Variants in NDUFAF6 observed in about 807,000 individuals in gnomAD.
The protein encoded by NDUFAF6 is NADH dehydrogenase (ubiquinone) complex I, assembly factor 6.
In NDUFAF6, 45 loss-of-function variants were observed where a neutral mutation model predicts 40.8. The ratio of observed to expected loss-of-function variants is 1.10; its 90% CI spans 0.87 to 1.42. NDUFAF6 has a LOEUF of 1.42. Ranked by LOEUF, NDUFAF6 falls within the 40% of genes most tolerant of loss-of-function variation. The pLI is 0.00. For synonymous variants in NDUFAF6, 185 were observed against 155.9 expected (o/e 1.19, Z -1.39); for missense variants, 435 against 418.5 (o/e 1.04, Z -0.34).
rs1391240064 is a variant in NDUFAF6 at position 95,094,746 on chromosome 8, TTCTTC to T, written n.214-6384_214-6380del. 4.4e-4 allele frequency among the ~76,000 whole-genome samples: 33 copies of T among 75,186 alleles called. No homozygotes were observed. The South Asian group carries it at 0.016, about 36-fold the overall frequency. The allele number at this position is 75,186 out of a possible 152,430, so 49.3% of individuals were successfully genotyped here. On this transcript the variant is annotated intron_variant and non_coding_transcript_variant, in intron 2 of 5. Transcript: ENST00000523184. ...TTTCTTTTTTCTTTCCTTCTTCTTC[TTCTTC>T]TTTTTTTTTTTTTTTTTAAGAAATA...
chr8:94,907,254 C>T (rs1818453005), intron 1 of NDUFAF6, among the ~76,000 whole-genome samples: 1 of 152,216 alleles, frequency 6.6e-6, no homozygotes, highest in African/African-American at 2.4e-5. Flanking sequence ...TTGCATTTCT[C>T]TTAAGTTTTC....
intron 1 of NDUFAF6, among the ~76,000 whole-genome samples, chr8:94,925,030 A>G (rs1819773444): frequency 6.6e-6 from 1 of 152,252 alleles, no homozygotes; most frequent in South Asian, 2.1e-4. Flanking sequence ...GGCACGAGCC[A>G]TCATGCCCAG....
intron 4 of NDUFAF6, among the ~76,000 whole-genome samples, chr8:95,044,142 A>G (rs1180158306): frequency 1.3e-5 from 2 of 152,224 alleles, no homozygotes; most frequent in Non-Finnish European, 2.9e-5. Flanking sequence ...TACATATTAT[A>G]CGATTCCATT....
intron 1 of NDUFAF6, among the ~76,000 whole-genome samples, chr8:94,901,378 C>T (rs892283290): frequency 3.3e-5 from 5 of 151,826 alleles, no homozygotes; most frequent in African/African-American, 1.2e-4. Context: ...TGGGAGCAGG[C>T]TGGGTGGTGG....
In NDUFAF6 at chr8:95,015,222, G is replaced by A. The variant is rs1827392221; in HGVS notation, c.-83-16773G>A. 2.6e-5 allele frequency among the ~76,000 whole-genome samples: 4 copies of A among 152,174 alleles called. No homozygotes were observed. The South Asian group carries it at 8.3e-4, about 31-fold the overall frequency. ...CCTGGAGTTGTGCAGTGTACAACCT[G>A]AGAGGCCATACAGAGTGGTTCTTGG... On this transcript the variant is annotated intron_variant, in intron 2 of 9. Transcript: ENST00000396111.
At chr8:95,075,438 T>C (rs1832998215) in intron 9 of NDUFAF6, among the ~76,000 whole-genome samples, 1 of 152,188 alleles carries the variant, frequency 6.6e-6, no homozygotes, top group South Asian at 2.1e-4. Context: ...TCAAAATGCT[T>C]GGAATGAAAA....
intron 2 of NDUFAF6, among the ~76,000 whole-genome samples, chr8:94,994,082 TACTC>T (rs747668754): frequency 3.9e-5 from 6 of 152,100 alleles, no homozygotes; most frequent in Non-Finnish European, 8.8e-5. Context: ...TCTATTCAAA[TACTC>T]ACTCTCTCCC....
intron 1 of NDUFAF6, among the ~76,000 whole-genome samples, chr8:94,979,152 C>G (rs1825205686): frequency 6.6e-6 from 1 of 152,176 alleles, no homozygotes; most frequent in Non-Finnish European, 1.5e-5. Context: ...CACTACTTTT[C>G]AGATCCTCAT....
intron 4 of NDUFAF6, among the ~76,000 whole-genome samples, chr8:95,109,650 T>C (rs978116281): frequency 3.3e-5 from 5 of 152,156 alleles, no homozygotes; most frequent in Non-Finnish European, 5.9e-5. Context: ...TGTCTGTCCA[T>C]TTGTCTTCTC....
At chr8:95,014,145 C>T (rs765456209) in intron 2 of NDUFAF6, among the ~76,000 whole-genome samples, 26 of 152,206 alleles carry the variant, frequency 1.7e-4, no homozygotes, top group Non-Finnish European at 3.2e-4. Flanking sequence ...AACTGTGAGA[C>T]AACAATTTTC....
chr8:95,008,901 A>G (rs1827114192), intron 2 of NDUFAF6, among the ~76,000 whole-genome samples: 1 of 152,232 alleles, frequency 6.6e-6, no homozygotes, highest in South Asian at 2.1e-4. Flanking sequence ...TACATTTACA[A>G]ATTTGTAGAT....
chr8:95,092,946 C>T (rs974694842), intron 2 of NDUFAF6, among the ~76,000 whole-genome samples: 1 of 152,152 alleles, frequency 6.6e-6, no homozygotes, highest in Admixed American at 6.5e-5. Flanking sequence ...GAAATAGTAT[C>T]CAAAATAAAA....
At position 95,058,370 on chromosome 8, in the gene NDUFAF6, G is replaced by A; in HGVS notation, c.*433G>A. 8.1e-6 allele frequency: 10 copies of A among 1,234,812 alleles called. No homozygotes were observed. The highest frequency in any genetic ancestry group is 1.0e-5 in the Non-Finnish European group (10 of 989,838). 76.5% of individuals were successfully genotyped at this position (1,234,812 alleles called of 1,614,324 possible). A position where few individuals can be genotyped will look rare whatever the true frequency, so the allele number is the denominator to read the frequency against. On this transcript the variant is annotated 3_prime_UTR_variant, in exon 9 of 9. Transcript: ENST00000396124. ...TAGGTGTTCAGAACACCTGGAAGAT[G>A]CATTTATTTAGGGGTCACAAATAGT...
intron 1 of NDUFAF6, among the ~76,000 whole-genome samples, chr8:95,031,388 G>T (rs1467613805): frequency 6.6e-6 from 1 of 152,088 alleles, no homozygotes; most frequent in Non-Finnish European, 1.5e-5. Context: ...CCCAATATTT[G>T]CTTGAACTAT....
At chr8:94,965,585 A>C (rs140380502) in intron 1 of NDUFAF6, among the ~76,000 whole-genome samples, 1 of 152,378 alleles carries the variant, frequency 6.6e-6, no homozygotes, top group African/African-American at 2.4e-5. Flanking sequence ...AAGGGCTAAT[A>C]AGAGTTTAAG....
intron 1 of NDUFAF6, among the ~76,000 whole-genome samples, chr8:94,925,028 CCAT>C (rs1395669036): frequency 6.6e-6 from 1 of 152,232 alleles, no homozygotes; most frequent in African/African-American, 2.4e-5. Context: ...CAGGCACGAG[CCAT>C]CATGCCCAGC....
At chr8:95,105,485 A>G (rs1809813296), downstream of NDUFAF6, among the ~76,000 whole-genome samples, 1 of 151,822 alleles carries the variant, frequency 6.6e-6, no homozygotes, top group Non-Finnish European at 1.5e-5. Context: ...TCAGCATCCC[A>G]AGTAGCTGGG....
intron 1 of NDUFAF6, chr8:95,100,595 G>A (rs940373944): frequency 6.6e-6 from 1 of 152,200 alleles, no homozygotes; most frequent in African/African-American, 2.4e-5. Flanking sequence ...GCGAGAGCTA[G>A]CTTAGTTTTG....
intron 8 of NDUFAF6, 50 bp from the exon 9 acceptor site, chr8:95,057,759 T>TTA: frequency 1.4e-6 from 2 of 1,382,806 alleles, no homozygotes; most frequent in South Asian, 1.3e-5. Flanking sequence ...TTTTTTTTTT[T>TTA]AAGTCTTGAT....
Sources: allele counts gnomAD v4.1 joint callset (sites outside exome capture counted in the v4.1 genomes callset), GRCh38; gene constraint gnomAD v4.1.1; transcripts MANE v1.5; gene names NCBI Gene and HGNC (gene_info 2026-07-23, HGNC 2026-07-21).